Variants in GNA15 observed in about 807,000 individuals in gnomAD.
The protein encoded by GNA15 is guanine nucleotide-binding protein subunit alpha-15.
GNA15 carries 23 observed loss-of-function variants against 40.1 expected under a neutral mutation model. The observed-to-expected ratio is 0.57, with a 90% CI of 0.41 to 0.81. The LOEUF (loss-of-function observed/expected upper bound fraction) is 0.81. Ranked by LOEUF, GNA15 falls within the 40% of genes least tolerant of loss-of-function variation. GNA15 has a pLI of 0.00. For synonymous variants in GNA15, 226 were observed against 210.4 expected (o/e 1.07, Z -0.64); for missense variants, 522 against 515.8 (o/e 1.01, Z -0.12).
intron 1 of GNA15, among the ~76,000 whole-genome samples, chr19:3,137,139 G>A (rs388460): frequency 0.62 from 94,665 of 152,150 alleles, 29,624 homozygotes; most frequent in Admixed American, 0.68. Flanking sequence ...AGATTTATTG[G>A]GTAGCTCCCA....
At chr19:3,148,237 A>G (rs943965473) in intron 1 of GNA15, among the ~76,000 whole-genome samples, 1 of 151,940 alleles carries the variant, frequency 6.6e-6, no homozygotes, top group Admixed American at 6.6e-5. Flanking sequence ...TACAGGCGTG[A>G]GCCACCACAC....
rs1426958942 is a variant in GNA15 at position 3,136,144 on chromosome 19, C to T, written c.-307C>T. 1 of 256,908 alleles carries T rather than the reference C, an allele frequency of 3.9e-6. No individual in the cohort carries two copies. Among genetic ancestry groups the T allele is most frequent in the African/African-American group, 2.3e-5 (1 of 43,482 alleles). The allele number at this position is 256,908 out of a possible 1,614,324, so 15.9% of individuals were successfully genotyped here. A position where few individuals can be genotyped will look rare whatever the true frequency, so the allele number is the denominator to read the frequency against. On this transcript the variant is annotated 5_prime_UTR_variant, in exon 1 of 7. Coordinates refer to ENST00000262958, the MANE Select transcript of GNA15 (RefSeq NM_002068.4). This position sits in a 1 kb window ranked among gnomAD's most constrained non-coding sequence, Gnocchi z 4.9. ...CCCCACCTCACCCTCTCCTGGCACC[C>T]TTCACCGTCAACCTGTCGGGCCGGG...
chr19:3,148,429 C>T (rs977972874), intron 1 of GNA15, among the ~76,000 whole-genome samples, 162 bp from the exon 2 acceptor site: 4 of 151,520 alleles, frequency 2.6e-5, no homozygotes, highest in African/African-American at 7.3e-5. Flanking sequence ...AGGCACAGAG[C>T]GGCAAAGCCG....
At chr19:3,152,450 G>T (rs745534576) in intron 4 of GNA15, among the ~76,000 whole-genome samples, 2 of 152,092 alleles carry the variant, frequency 1.3e-5, no homozygotes, top group Non-Finnish European at 2.9e-5. Context: ...GGAGCCGGTG[G>T]GCTAGAGGAT....
At position 3,150,847 on chromosome 19, in the gene GNA15, C is replaced by T. The variant is rs569833164; in HGVS notation, c.485+562C>T. Among the ~76,000 whole-genome samples, 10 of 150,616 alleles carry T rather than the reference C, an allele frequency of 6.6e-5. No homozygotes were observed. The South Asian group carries it at 1.5e-3, about 22-fold the overall frequency. ...CCCTGGGCCTTGGAGTCCCTGTTCC[C>T]GTGAGGACCCTGTTTCAGGGGTGAC... On this transcript the variant is annotated intron_variant, in intron 3 of 6. Transcript: ENST00000262958.
intron 3 of GNA15, among the ~76,000 whole-genome samples, chr19:3,150,740 A>G (rs1233467901): frequency 1.3e-5 from 2 of 148,712 alleles, no homozygotes; most frequent in African/African-American, 5.0e-5. Flanking sequence ...GGGGAACCGT[A>G]TTCCTAGAGT....
rs1415802898 is a variant in GNA15, at chr19:3,150,136, C to A, written c.336C>A (p.His112Gln). 11 of 1,612,826 alleles carry A rather than the reference C, an allele frequency of 6.8e-6. No homozygotes were observed. The highest frequency in any genetic ancestry group is 2.2e-5 in the South Asian group (2 of 91,078). Residue 112 changes from histidine (H) to glutamine (Q), a missense_variant, in exon 3 of 7, where the codon CAC (histidine) becomes CAA (glutamine). His to Gln is a conservative substitution (Grantham distance 24, BLOSUM62 0). Coordinates refer to ENST00000262958, the MANE Select transcript of GNA15 (RefSeq NM_002068.4). ...CCCCCGTCCTCCCTCCCCAGCACCA[C>A]GCTAGCCTGGTCATGAGCCAGGACC... ...IPFSRPESKH[H>Q]ASLVMSQDPY...
In GNA15 at chr19:3,136,623, T is replaced by C. The variant is rs1914464998; in HGVS notation, c.145+28T>C. On this transcript the variant is annotated intron_variant, in intron 1 of 6. Coordinates refer to ENST00000262958, the MANE Select transcript of GNA15 (RefSeq NM_002068.4). The surrounding 1 kb of genome is among the most constrained non-coding windows in gnomAD (Gnocchi z 4.9). ...GAGTCCAGGGTCGGTGGGCGGTGGG[T>C]GGTGGGCAGTGGGCGGTGGCCAGCC... 6.8e-7 allele frequency: 1 copy of C among 1,478,052 alleles called. No homozygotes were observed. The highest frequency in any genetic ancestry group is 1.4e-5 in the African/African-American group (1 of 70,850). 91.6% of individuals were successfully genotyped at this position (1,478,052 alleles called of 1,614,324 possible).
intron 1 of GNA15, chr19:3,146,285 C>T (rs889136889): frequency 6.6e-6 from 1 of 152,234 alleles, no homozygotes; most frequent in African/African-American, 2.4e-5. Flanking sequence ...CCCCACCTCC[C>T]ACCTGGTGGA....
rs11085003 is a variant in GNA15, at chr19:3,150,941, T to A, written c.485+656T>A. Among the ~76,000 whole-genome samples, 285 of 148,348 alleles carry A rather than the reference T, an allele frequency of 1.9e-3. 5 individuals are homozygous for A. In the East Asian group the frequency reaches 0.054, roughly 28 times the overall value. On this transcript the variant is annotated intron_variant, in intron 3 of 6. Transcript: ENST00000262958. ...CAGGGAGACCCTATTTCCTGGGGGA[T>A]CCTGTTCTGGCGTTGATCCTTTTCC...
intron 3 of GNA15, among the ~76,000 whole-genome samples, chr19:3,150,790 C>T (rs976756429): frequency 2.0e-5 from 3 of 149,766 alleles, no homozygotes; most frequent in Non-Finnish European, 3.0e-5. Flanking sequence ...TGGGGGGAAC[C>T]CTATTCCTGG....
chr19:3,157,732 G>T lies in GNA15; in HGVS notation c.749G>T (p.Arg250Leu). ...QCLEENNQENRMKESLALFGT... is the reference protein window; with the variant it reads ...QCLEENNQENLMKESLALFGT... Reference sequence around the variant, plus strand: ...CTGCTTCTGCCCCCAACACAGAACCGCATGAAGGAGAGCCTCGCATTGTTT... The same window carrying T: ...CTGCTTCTGCCCCCAACACAGAACCTCATGAAGGAGAGCCTCGCATTGTTT... Residue 250 changes from arginine to leucine, a missense_variant, in exon 6 of 7, where the codon CGC (arginine) becomes CTC (leucine). Transcript: ENST00000262958. The T allele has an allele frequency of 1.2e-6, 2 of 1,613,660 alleles. No individual in the cohort carries two copies.
intron 1 of GNA15, among the ~76,000 whole-genome samples, chr19:3,137,533 C>T (rs914178903): frequency 6.6e-6 from 1 of 152,154 alleles, no homozygotes; most frequent in African/African-American, 2.4e-5. Flanking sequence ...CCTGTAATCC[C>T]AGCACTTTGG....
intron 4 of GNA15, among the ~76,000 whole-genome samples, chr19:3,153,299 G>A (rs921968352): frequency 9.9e-5 from 15 of 152,038 alleles, no homozygotes; most frequent in African/African-American, 3.6e-4. Context: ...ATGGATGGGT[G>A]GATGAATGGG....
At chr19:3,148,120 G>C (rs900052554) in intron 1 of GNA15, among the ~76,000 whole-genome samples, 1 of 151,406 alleles carries the variant, frequency 6.6e-6, no homozygotes. Context: ...ACAGAATCTC[G>C]CCCTGTCGCT....
chr19:3,145,360 T>TATA (rs1555705683), intron 1 of GNA15, among the ~76,000 whole-genome samples: 70 of 21,556 alleles, frequency 3.2e-3, no homozygotes, highest in African/African-American at 8.4e-3. Context: ...TATATATATA[T>TATA]TTTTTTTTTT....
chr19:3,154,783 G>T (rs1353147607), intron 4 of GNA15, among the ~76,000 whole-genome samples: 2 of 151,992 alleles, frequency 1.3e-5, no homozygotes, highest in Non-Finnish European at 1.5e-5. Context: ...CGATGAATGG[G>T]GTGGGTGGGT....
At chr19:3,148,016 T>TC (rs1396483368) in intron 1 of GNA15, among the ~76,000 whole-genome samples, 1 of 152,082 alleles carries the variant, frequency 6.6e-6, no homozygotes, top group African/African-American at 2.4e-5. Context: ...CATTTTATAA[T>TC]CAATTCATTT....
rs115060947 is a variant in GNA15, at chr19:3,150,302, C to T, written c.485+17C>T. The T allele has an allele frequency of 3.0e-3, 4,629 of 1,529,980 alleles. 84 individuals are homozygous for T. The African/African-American group carries it at 0.038, about 13-fold the overall frequency. 94.8% of individuals were successfully genotyped at this position (1,529,980 alleles called of 1,614,324 possible). A position where few individuals can be genotyped will look rare whatever the true frequency, so the allele number is the denominator to read the frequency against. ...AGCCGTGTAGTGAGTCTGGGGTCTG[C>T]GGGGGATGGGCGCGTGGGGAGGGGC... is the stretch of plus-strand genomic sequence containing the variant. On this transcript the variant is annotated intron_variant, in intron 3 of 6. Transcript: ENST00000262958.
Sources: gnomAD v4.1 joint callset for allele counts (sites outside exome capture counted in the v4.1 genomes callset) on GRCh38, gnomAD v4.1.1 for gene constraint, Gnocchi (gnomAD v3.1) non-coding constraint, MANE v1.5 for transcripts, NCBI Gene and HGNC (gene_info 2026-07-23, HGNC 2026-07-21) for gene names.